ARL6: variants seen among roughly 807,000 people sequenced by gnomAD.
The protein encoded by ARL6 is ADP-ribosylation factor-like protein 6.
Under a neutral mutation model 27.1 loss-of-function variants are expected in ARL6, and 18 were observed. The observed-to-expected ratio is 0.66, with a 90% CI of 0.46 to 0.98. ARL6 has a LOEUF of 0.98. Among genes scored for constraint, ARL6 ranks in the 50% least tolerant of loss-of-function variants. ARL6 has a pLI of 0.00. For missense variants in ARL6, 187 were observed against 214.9 expected (o/e 0.87, Z 0.81); for synonymous variants, 65 against 72.3 (o/e 0.90, Z 0.51).
rs540098294 is a variant in ARL6 at position 97,781,991 on chromosome 3, A to G, written c.254+1308A>G. Among the ~76,000 whole-genome samples the G allele has an allele frequency of 2.0e-5, 3 of 152,110 alleles. No individual in the cohort carries two copies. The South Asian group carries it at 6.2e-4, about 32-fold the overall frequency. On this transcript the variant is annotated intron_variant, in intron 4 of 7. Transcript: ENST00000463745. ...GAAATTTATTCAAATTTTTTTTTCA[A>G]TGAGTCCTTCAATAAATTGAAGGCC...
At chr3:97,797,788 G>A (rs1462070444) in intron 7 of ARL6, among the ~76,000 whole-genome samples, 1 of 152,128 alleles carries the variant, frequency 6.6e-6, no homozygotes, top group Non-Finnish European at 1.5e-5. Context: ...AGCTGGACCT[G>A]GTGCACACTT....
rs999443288 is a variant in ARL6 at position 97,797,763 on chromosome 3, T to A, written c.536-261T>A. Among the ~76,000 whole-genome samples the A allele has an allele frequency of 2.0e-5, 3 of 152,132 alleles. No homozygotes were observed. In the South Asian group the frequency reaches 6.2e-4, roughly 32 times the overall value. ...AATAACTATAGATGAATTGTGCTTTTAAAAAAGCAGGTGTAGCTGGACCTG... is the reference window on the plus strand; with the variant it reads ...AATAACTATAGATGAATTGTGCTTTAAAAAAAGCAGGTGTAGCTGGACCTG... On this transcript the variant is annotated intron_variant, in intron 7 of 7. Coordinates refer to ENST00000463745, the MANE Select transcript of ARL6 (RefSeq NM_001278293.3).
intron 6 of ARL6, among the ~76,000 whole-genome samples, 170 bp from the exon 7 acceptor site, chr3:97,791,601 C>T (rs1391634672): frequency 6.6e-6 from 1 of 152,182 alleles, no homozygotes; most frequent in Non-Finnish European, 1.5e-5. Flanking sequence ...TGTTCCTGAG[C>T]ACTCAGACTT....
Position 97,800,160 on chromosome 3 carries a change from G to A in ARL6, c.*2111G>A, listed in dbSNP as rs2038188648. 6.6e-6 allele frequency: 1 copy of A among 152,044 alleles called. No individual in the cohort carries two copies. The highest frequency in any genetic ancestry group is 2.4e-5 in the African/African-American group (1 of 41,426). 9.4% of individuals were successfully genotyped at this position (152,044 alleles called of 1,614,324 possible). ...TACCTATGCAAATATTTAGAAGAAG[G>A]AGAAGTACCCTTTTTCTTTGTTTTC... On this transcript the variant is annotated 3_prime_UTR_variant, in exon 8 of 8. Coordinates refer to ENST00000463745, the MANE Select transcript of ARL6 (RefSeq NM_001278293.3).
intron 2 of ARL6, among the ~76,000 whole-genome samples, chr3:97,778,533 T>C (rs1165364893): frequency 6.6e-6 from 1 of 152,138 alleles, no homozygotes; most frequent in Non-Finnish European, 1.5e-5. Flanking sequence ...TCCCCTCTAA[T>C]ACTGTTTTTT....
At chr3:97,780,340 T>A in intron 3 of ARL6, 120 bp downstream of exon 3, 1 of 845,658 alleles carries the variant, frequency 1.2e-6, no homozygotes, top group Non-Finnish European at 1.9e-6. Context: ...CTCATAGGTA[T>A]TAAAGTGTTT....
At chr3:97,775,655 CA>C (rs1281253198) in intron 2 of ARL6, among the ~76,000 whole-genome samples, 2 of 152,150 alleles carry the variant, frequency 1.3e-5, no homozygotes, top group African/African-American at 4.8e-5. Flanking sequence ...TTAACCATCA[CA>C]AAGAACTTTT....
intron 7 of ARL6, among the ~76,000 whole-genome samples, chr3:97,796,283 G>T (rs958507028): frequency 6.6e-6 from 1 of 152,046 alleles, no homozygotes; most frequent in Non-Finnish European, 1.5e-5. Flanking sequence ...AGAGATAAGA[G>T]AAGGTGTTAC....
chr3:97,780,131 T>C (rs761985024), intron 2 of ARL6, 28 bp from the exon 3 acceptor site: 2 of 1,588,680 alleles, frequency 1.3e-6, no homozygotes, highest in Non-Finnish European at 1.7e-6. Flanking sequence ...TAATTGTAAA[T>C]TTCTGAACTT....
chr3:97,791,883 T>C (rs377229310), intron 7 of ARL6, 57 bp downstream of exon 7: 185 of 1,447,690 alleles, frequency 1.3e-4, no homozygotes, highest in Non-Finnish European at 1.6e-4. Flanking sequence ...TTCATATTTT[T>C]ATCTTTTTTT....
At position 97,791,825 on chromosome 3, in the gene ARL6, A is replaced by G. The variant is rs756341249; in HGVS notation, c.534A>G (p.Gln178=). ...EGLQEGVDWL[Q]DQIQTVKT The stretch of plus-strand genomic sequence containing the variant: ...TGCAAGAAGGTGTAGACTGGCTTCA[A>G]GGTACATTACAAAATACTGTGTGTC... The change falls in exon 7 of 8, where the codon CAA becomes CAG. Residue 178 remains glutamine, a splice_region_variant and synonymous_variant. Coordinates refer to ENST00000463745, the MANE Select transcript of ARL6 (RefSeq NM_001278293.3). The G allele has an allele frequency of 2.5e-6, 4 of 1,613,048 alleles. No homozygotes were observed. The South Asian group carries it at 4.4e-5, about 18-fold the overall frequency.
At chr3:97,778,547 A>G (rs762191034) in intron 2 of ARL6, among the ~76,000 whole-genome samples, 1 of 152,144 alleles carries the variant, frequency 6.6e-6, no homozygotes, top group East Asian at 1.9e-4. Context: ...GTTTTTTTAT[A>G]AAAGCAACAA....
Position 97,798,304 on chromosome 3 carries a change from C to A in ARL6, c.*255C>A, listed in dbSNP as rs79196822. 5.2e-6 allele frequency: 2 copies of A among 384,066 alleles called. No homozygotes were observed. The highest frequency in any genetic ancestry group is 1.1e-4 in the South Asian group (2 of 17,990). 23.8% of individuals were successfully genotyped at this position (384,066 alleles called of 1,614,324 possible). On this transcript the variant is annotated 3_prime_UTR_variant, in exon 8 of 8. Coordinates refer to ENST00000463745, the MANE Select transcript of ARL6 (RefSeq NM_001278293.3). Reference sequence around the variant, plus strand: ...TAGTGAAGGTCTACATTTGATTGTACGTAGAATGTTTAAAAGTCAGTTATA... The same window carrying A: ...TAGTGAAGGTCTACATTTGATTGTAAGTAGAATGTTTAAAAGTCAGTTATA...
At chr3:97,783,032 C>A (rs1428232085) in intron 4 of ARL6, among the ~76,000 whole-genome samples, 1 of 149,034 alleles carries the variant, frequency 6.7e-6, no homozygotes, top group African/African-American at 2.5e-5. Flanking sequence ...CATTTACTTT[C>A]TCATCTATAT....
intron 2 of ARL6, among the ~76,000 whole-genome samples, chr3:97,774,363 G>A (rs1299028095): frequency 1.4e-5 from 2 of 144,728 alleles, no homozygotes; most frequent in Non-Finnish European, 3.0e-5. Context: ...AAGCAGGCGG[G>A]GGTATTGAGG....
chr3:97,768,017 C>T (rs1456941403), intron 1 of ARL6, 64 bp from the exon 2 acceptor site: 4 of 1,410,550 alleles, frequency 2.8e-6, no homozygotes, highest in African/African-American at 2.8e-5. Flanking sequence ...TTTTAATACA[C>T]CTACCAATAT....
intron 7 of ARL6, among the ~76,000 whole-genome samples, chr3:97,797,228 G>A (rs2038046242): frequency 6.6e-6 from 1 of 152,092 alleles, no homozygotes; most frequent in South Asian, 2.1e-4. Flanking sequence ...CAAAGTAGAT[G>A]GACTGTGTAA....
intron 1 of ARL6, 126 bp downstream of exon 1, chr3:97,765,103 T>C (rs975097317): frequency 6.6e-6 from 1 of 152,026 alleles, no homozygotes; most frequent in African/African-American, 2.4e-5. Flanking sequence ...GTATGAGAAG[T>C]AGAAAAGAAG....
chr3:97,774,352 G>C (rs2036789297), intron 2 of ARL6, among the ~76,000 whole-genome samples: 2 of 147,484 alleles, frequency 1.4e-5, no homozygotes. Flanking sequence ...CGGGATTCTA[G>C]AAGCAGGCGG....
Sources: gnomAD v4.1 joint callset for allele counts (sites outside exome capture counted in the v4.1 genomes callset) on GRCh38, gnomAD v4.1.1 for gene constraint, MANE v1.5 for transcripts, NCBI Gene and HGNC (gene_info 2026-07-23, HGNC 2026-07-21) for gene names.